DGKB: variants seen among roughly 807,000 people sequenced by gnomAD.
The protein encoded by DGKB is diacylglycerol kinase beta, also known as 90 kDa diacylglycerol kinase.
DGKB carries 67 observed loss-of-function variants against 114.3 expected under a neutral mutation model. The observed-to-expected ratio is 0.59, with a 90% CI of 0.48 to 0.72. DGKB has a LOEUF of 0.72. DGKB is among the 30% of genes least tolerant of loss of function. The probability of loss-of-function intolerance (pLI) is 0.00; values close to 1 mark genes in which losing one functional copy is unlikely to be tolerated. For synonymous variants in DGKB, 398 were observed against 323.1 expected, an observed-to-expected ratio of 1.23 and a Z score of -2.49; for missense variants, 907 against 975.2, an observed-to-expected ratio of 0.93 and a Z score of 0.93.
chr7:14,310,930 A>G lies in DGKB; in HGVS notation c.2122+27585T>C, dbSNP rs554021249. 3.3e-5 allele frequency among the ~76,000 whole-genome samples: 5 copies of G among 152,170 alleles called. No individual in the cohort carries two copies. In the South Asian group the frequency reaches 8.3e-4, roughly 25 times the overall value. The stretch of plus-strand genomic sequence containing the variant: ...GATGCTTTGAGACCAAGAGTTTGAG[A>G]CTAGCCTGGGGAACACAGTGAGACC... On this transcript the variant is annotated intron_variant, in intron 23 of 25. Coordinates refer to ENST00000402815, the MANE Select transcript of DGKB (RefSeq NM_001350709.2).
At chr7:14,378,509 A>C (rs939769787) in intron 21 of DGKB, among the ~76,000 whole-genome samples, 1 of 152,302 alleles carries the variant, frequency 6.6e-6, no homozygotes. Context: ...TAAAAAATTT[A>C]TTTAAAAAAT....
At chr7:14,656,981 G>C (rs567611757) in intron 13 of DGKB, among the ~76,000 whole-genome samples, 1 of 151,770 alleles carries the variant, frequency 6.6e-6, no homozygotes, top group East Asian at 1.9e-4. Context: ...GAAAGCAACA[G>C]CACACAGCCA....
At chr7:14,363,563 G>T (rs560879405) in intron 21 of DGKB, among the ~76,000 whole-genome samples, 2 of 152,206 alleles carry the variant, frequency 1.3e-5, no homozygotes, top group African/African-American at 4.8e-5. Flanking sequence ...TTGAGCCTGC[G>T]ATAGAGGGTT....
At chr7:14,184,128 G>A (rs757896694) in intron 23 of DGKB, among the ~76,000 whole-genome samples, 7 of 152,176 alleles carry the variant, frequency 4.6e-5, no homozygotes, top group Non-Finnish European at 1.0e-4. Context: ...CAGCAGAAAG[G>A]CCCTGGGAGC....
chr7:14,418,215 A>G (rs1826013873), intron 21 of DGKB, among the ~76,000 whole-genome samples: 1 of 20,580 alleles, frequency 4.9e-5, no homozygotes, highest in African/African-American at 6.3e-5. Flanking sequence ...ATAAATGTAT[A>G]TATTATATAT....
At chr7:14,947,905 A>G (rs1302282923) in intron 1 of DGKB, among the ~76,000 whole-genome samples, 1 of 151,738 alleles carries the variant, frequency 6.6e-6, no homozygotes, top group African/African-American at 2.4e-5. Flanking sequence ...ACACCAAACC[A>G]AAATATTGTG....
intron 15 of DGKB, 53 bp from the exon 16 acceptor site, chr7:14,613,466 G>C: frequency 9.5e-4 from 809 of 854,694 alleles, no homozygotes; most frequent in Non-Finnish European, 1.3e-3. Flanking sequence ...TATATATGAA[G>C]AAGACTCCTT....
intron 23 of DGKB, among the ~76,000 whole-genome samples, chr7:14,218,692 C>G (rs894635852): frequency 6.6e-6 from 1 of 151,936 alleles, no homozygotes; most frequent in Non-Finnish European, 1.5e-5. Flanking sequence ...ACATTATATC[C>G]TTTGAGAAAG....
intron 6 of DGKB, among the ~76,000 whole-genome samples, chr7:14,703,061 A>ATGAAG (rs1020457652): frequency 2.8e-4 from 42 of 151,946 alleles, no homozygotes; most frequent in Middle Eastern, 3.4e-3. Context: ...CAGTCAATAA[A>ATGAAG]TAAAATGCAG....
chr7:14,776,801 C>T (rs1020179243), intron 2 of DGKB, among the ~76,000 whole-genome samples: 1 of 152,238 alleles, frequency 6.6e-6, no homozygotes, highest in African/African-American at 2.4e-5. Flanking sequence ...AGAGTCCCTA[C>T]TGTGGCACAA....
chr7:14,954,269 G>A (rs772963570), intron 1 of DGKB, among the ~76,000 whole-genome samples: 8 of 152,124 alleles, frequency 5.3e-5, no homozygotes, highest in South Asian at 2.1e-4. Flanking sequence ...GGTGCTGACC[G>A]TTAAGAACAG....
At chr7:14,267,120 T>G (rs2128423929) in intron 23 of DGKB, among the ~76,000 whole-genome samples, 1 of 152,342 alleles carries the variant, frequency 6.6e-6, no homozygotes, top group Admixed American at 6.5e-5. Context: ...TTTTGATGTT[T>G]TTTCTATCAA....
At chr7:14,875,719 C>A (rs1020368468) in intron 1 of DGKB, among the ~76,000 whole-genome samples, 1 of 152,088 alleles carries the variant, frequency 6.6e-6, no homozygotes. Flanking sequence ...ATAAAACAAG[C>A]TTTTCTAACC....
At chr7:14,912,145 A>C (rs958119087) in intron 1 of DGKB, among the ~76,000 whole-genome samples, 13 of 152,148 alleles carry the variant, frequency 8.5e-5, no homozygotes, top group Non-Finnish European at 7.4e-5. Flanking sequence ...ATATTAGATG[A>C]ACCGGAATCT....
intron 25 of DGKB, among the ~76,000 whole-genome samples, chr7:14,156,770 G>T (rs1213273412): frequency 6.6e-6 from 1 of 152,032 alleles, no homozygotes; most frequent in African/African-American, 2.4e-5. Flanking sequence ...CTAAAAGATG[G>T]ATAAAAGTGG....
intron 1 of DGKB, among the ~76,000 whole-genome samples, chr7:14,950,264 A>G (rs1306088969): frequency 6.6e-6 from 1 of 151,940 alleles, no homozygotes; most frequent in Non-Finnish European, 1.5e-5. Flanking sequence ...TACAATGTCT[A>G]AAGTCACATT....
chr7:14,769,159 G>GAGGGA (rs1836970093), intron 2 of DGKB, among the ~76,000 whole-genome samples: 1 of 145,652 alleles, frequency 6.9e-6, no homozygotes, highest in Non-Finnish European at 1.5e-5. Context: ...AAGAGGGAGG[G>GAGGGA]AGGGAAGGGA....
chr7:14,250,793 T>G (rs1795121873), intron 23 of DGKB, among the ~76,000 whole-genome samples: 1 of 152,182 alleles, frequency 6.6e-6, no homozygotes, highest in South Asian at 2.1e-4. Flanking sequence ...AATATTTGCT[T>G]TATATATTTA....
intron 20 of DGKB, among the ~76,000 whole-genome samples, chr7:14,543,904 G>C (rs1367858358): frequency 6.6e-6 from 1 of 152,180 alleles, no homozygotes; most frequent in East Asian, 1.9e-4. Context: ...GGGACAGGTA[G>C]AGTATTTTTA....
Sources: gnomAD v4.1 joint callset for allele counts (sites outside exome capture counted in the v4.1 genomes callset) on GRCh38, gnomAD v4.1.1 for gene constraint, MANE v1.5 for transcripts, NCBI Gene and HGNC (gene_info 2026-07-23, HGNC 2026-07-21) for gene names.